JAKMIP1: variants seen among roughly 807,000 people sequenced by gnomAD.
The protein encoded by JAKMIP1 is janus kinase and microtubule-interacting protein 1.
In JAKMIP1, 33 loss-of-function variants were observed where a neutral mutation model predicts 113.0. The ratio of observed to expected loss-of-function variants is 0.29; its 90% CI spans 0.22 to 0.39. JAKMIP1 has a LOEUF of 0.39. Among genes scored for constraint, JAKMIP1 ranks in the 10% least tolerant of loss-of-function variants. JAKMIP1 has a pLI of 1.00. For synonymous variants in JAKMIP1, 480 were observed against 459.9 expected, an observed-to-expected ratio of 1.04 and a Z score of -0.56; for missense variants, 813 against 1,080.5, an observed-to-expected ratio of 0.75 and a Z score of 3.47.
chr4:6,191,913 T>TTTTATTTATTTATTTATTTATTTA (rs55740817), intron 1 of JAKMIP1, among the ~76,000 whole-genome samples: 1,581 of 141,088 alleles, frequency 0.011, 18 homozygotes, highest in East Asian at 0.017. Flanking sequence ...CAGGAGTGCA[T>TTTTATTTATTTATTTATTTATTTA]TTTATTTATT....
chr4:6,166,065 CTT>C (rs977017276), intron 1 of JAKMIP1, among the ~76,000 whole-genome samples: 17 of 152,188 alleles, frequency 1.1e-4, no homozygotes, highest in Non-Finnish European at 2.4e-4. Flanking sequence ...GTGCCTCACT[CTT>C]AGAAGGATCC....
At chr4:6,145,250 C>A (rs1308891057) in intron 1 of JAKMIP1, among the ~76,000 whole-genome samples, 1 of 152,196 alleles carries the variant, frequency 6.6e-6, no homozygotes, top group Non-Finnish European at 1.5e-5. Flanking sequence ...AGGCCCTTTC[C>A]ATGCAGCATC....
At chr4:6,041,637 T>A (rs1032561820) in intron 17 of JAKMIP1, among the ~76,000 whole-genome samples, 1 of 152,202 alleles carries the variant, frequency 6.6e-6, no homozygotes, top group Admixed American at 6.5e-5. Context: ...CCTGGTTATG[T>A]ATGTAGCATT....
At chr4:6,113,746 C>A (rs1005173417) in intron 1 of JAKMIP1, among the ~76,000 whole-genome samples, 4 of 152,242 alleles carry the variant, frequency 2.6e-5, no homozygotes, top group African/African-American at 7.2e-5. Context: ...CCCTTCACCA[C>A]GTCTCCTTCT....
At position 6,068,200 on chromosome 4, in the gene JAKMIP1, T is replaced by A. The variant is rs1217741271; in HGVS notation, c.1303-3192A>T. On this transcript the variant is annotated intron_variant, in intron 8 of 20. Coordinates refer to ENST00000409021, the MANE Select transcript of JAKMIP1 (RefSeq NM_001099433.2). The stretch of plus-strand genomic sequence containing the variant: ...CCGAAAACCCTACAGGACTGCTAGT[T>A]AAGGACTCAACTCCCAAGCCCTAAT... Among the ~76,000 whole-genome samples the A allele has an allele frequency of 2.6e-5, 4 of 152,288 alleles. No individual in the cohort carries two copies. In the South Asian group the frequency reaches 6.2e-4, roughly 24 times the overall value.
intron 18 of JAKMIP1, among the ~76,000 whole-genome samples, chr4:6,038,232 T>C (rs1578054325): frequency 1.4e-5 from 2 of 146,438 alleles, no homozygotes; most frequent in African/African-American, 5.1e-5. Flanking sequence ...TAGCCCTCCA[T>C]CACCGAGGCA....
rs1481819374 is a variant in JAKMIP1 at position 6,086,103 on chromosome 4, G to C, written c.625-474C>G. 6.6e-6 allele frequency among the ~76,000 whole-genome samples: 1 copy of C among 151,920 alleles called. No homozygotes were observed. Among genetic ancestry groups the C allele is most frequent in the Non-Finnish European group, 1.5e-5 (1 of 68,006 alleles). ...TGCCAAGGTCACCAGTGCTCTCCTG[G>C]CCACCGAACCCACCGGACAACGTTG... On this transcript the variant is annotated intron_variant, in intron 3 of 20. Coordinates refer to ENST00000409021, the MANE Select transcript of JAKMIP1 (RefSeq NM_001099433.2). The surrounding 1 kb of genome is among the most constrained non-coding windows in gnomAD (Gnocchi z 4.1).
In JAKMIP1 at chr4:6,185,373, C is replaced by T. The variant is rs1490539494; in HGVS notation, c.-148+14880G>A. ...TAAAAGCCAGACCCCAGGGGCCGGG[C>T]ACGGTGGCTCACGCCTGTAATCCCA... On this transcript the variant is annotated intron_variant, in intron 1 of 20. Coordinates refer to ENST00000409021, the MANE Select transcript of JAKMIP1 (RefSeq NM_001099433.2). The surrounding 1 kb of genome is among the most constrained non-coding windows in gnomAD (Gnocchi z 5.3). 6.6e-6 allele frequency among the ~76,000 whole-genome samples: 1 copy of T among 152,046 alleles called. No individual in the cohort carries two copies. Among genetic ancestry groups the T allele is most frequent in the African/African-American group, 2.4e-5 (1 of 41,392 alleles).
At chr4:6,041,780 G>A (rs1459807738) in intron 17 of JAKMIP1, among the ~76,000 whole-genome samples, 7 of 152,262 alleles carry the variant, frequency 4.6e-5, no homozygotes, top group Non-Finnish European at 8.8e-5. Context: ...GAGTCACTGC[G>A]CCAGCATTTC....
intron 3 of JAKMIP1, among the ~76,000 whole-genome samples, chr4:6,095,970 A>G (rs1036636468): frequency 6.6e-6 from 1 of 152,252 alleles, no homozygotes; most frequent in Non-Finnish European, 1.5e-5. Context: ...AAGGTGGCAT[A>G]TAACTGAGTG....
rs562771506 is a variant in JAKMIP1 at position 6,072,159 on chromosome 4, T to C, written c.1302+6780A>G. 7.9e-5 allele frequency among the ~76,000 whole-genome samples: 12 copies of C among 152,322 alleles called. No individual in the cohort carries two copies. In the East Asian group the frequency reaches 1.4e-3, roughly 17 times the overall value. Reference sequence around the variant, plus strand: ...AATTACATAATTAGGACTATTCCCCTACCTGCTCCGTTTCTCTCACAACCT... The same window carrying C: ...AATTACATAATTAGGACTATTCCCCCACCTGCTCCGTTTCTCTCACAACCT... On this transcript the variant is annotated intron_variant, in intron 8 of 20. Coordinates refer to ENST00000409021, the MANE Select transcript of JAKMIP1 (RefSeq NM_001099433.2).
At chr4:6,041,950 G>A (rs1172293462) in intron 17 of JAKMIP1, among the ~76,000 whole-genome samples, 1 of 152,196 alleles carries the variant, frequency 6.6e-6, no homozygotes, top group Non-Finnish European at 1.5e-5. Flanking sequence ...ACACAGCAGA[G>A]GCTCTGAAAA....
chr4:6,029,965 C>T (rs1012183119), intron 19 of JAKMIP1, among the ~76,000 whole-genome samples, 184 bp from the exon 20 acceptor site: 2 of 152,128 alleles, frequency 1.3e-5, no homozygotes, highest in African/African-American at 4.8e-5. Context: ...AGAGAGCATC[C>T]CAGCTCCCAG....
Position 6,142,003 on chromosome 4 carries a change from C to T in JAKMIP1, c.-147-29006G>A, listed in dbSNP as rs1720227316. On this transcript the variant is annotated intron_variant, in intron 1 of 20. Transcript: ENST00000409021. The surrounding 1 kb of genome is among the most constrained non-coding windows in gnomAD (Gnocchi z 5.5). Reference sequence around the variant, plus strand: ...AAAAAGAAACTTCTCTTCCATCCCCCACCCCCACCCACTGTGAACACTCTA... The same window carrying T: ...AAAAAGAAACTTCTCTTCCATCCCCTACCCCCACCCACTGTGAACACTCTA... Among the ~76,000 whole-genome samples the T allele has an allele frequency of 6.6e-6, 1 of 150,832 alleles. No individual in the cohort carries two copies. The highest frequency in any genetic ancestry group is 1.5e-5 in the Non-Finnish European group (1 of 67,762).
At chr4:6,036,461 T>C (rs564841103) in intron 18 of JAKMIP1, among the ~76,000 whole-genome samples, 1 of 152,328 alleles carries the variant, frequency 6.6e-6, no homozygotes, top group South Asian at 2.1e-4. Context: ...CAATTGGCTC[T>C]CCTCACCCTG....
rs370127783 is a variant in JAKMIP1, at chr4:6,159,149, T to C, written c.-148+41104A>G. Among the ~76,000 whole-genome samples the C allele has an allele frequency of 3.3e-4, 49 of 150,658 alleles. 1 individual carries two copies. In the East Asian group the frequency reaches 5.3e-3, roughly 16 times the overall value. On this transcript the variant is annotated intron_variant, in intron 1 of 20. Coordinates refer to ENST00000409021, the MANE Select transcript of JAKMIP1 (RefSeq NM_001099433.2). ...TGGTGAAAAAATAACAGCTGACCAA[T>C]AAACACTGGATTAACTCTGGACAAA...
intron 18 of JAKMIP1, among the ~76,000 whole-genome samples, chr4:6,039,725 A>C (rs886957564): frequency 3.9e-5 from 6 of 152,198 alleles, no homozygotes; most frequent in Non-Finnish European, 8.8e-5. Flanking sequence ...CAAGCCTCAC[A>C]GCCTCGACAG....
At chr4:6,111,669 G>A (rs138635642) in intron 2 of JAKMIP1, among the ~76,000 whole-genome samples, 384 of 152,334 alleles carry the variant, frequency 2.5e-3, no homozygotes, top group African/African-American at 8.4e-3. Context: ...AACCGGGTCT[G>A]CCTAGAAAGC....
At chr4:6,196,426 C>T (rs1418413360) in intron 1 of JAKMIP1, among the ~76,000 whole-genome samples, 1 of 152,214 alleles carries the variant, frequency 6.6e-6, no homozygotes, top group Non-Finnish European at 1.5e-5. Flanking sequence ...AAAATACTTT[C>T]TGAAGGCATC....
Sources: gnomAD v4.1 joint callset for allele counts (sites outside exome capture counted in the v4.1 genomes callset) on GRCh38, gnomAD v4.1.1 for gene constraint, Gnocchi (gnomAD v3.1) non-coding constraint, MANE v1.5 for transcripts, NCBI Gene and HGNC (gene_info 2026-07-23, HGNC 2026-07-21) for gene names.